The following RBM48 variants were observed in gnomAD, a reference collection of about 807,000 sequenced individuals.
RBM48 encodes the protein RNA binding motif protein 48, also known as RNA-binding protein 48.
In RBM48, 32 loss-of-function variants were observed where a neutral mutation model predicts 34.8. That is an observed-to-expected ratio of 0.92 (90% CI 0.69 to 1.23). RBM48 has a LOEUF of 1.23. RBM48 is among the 50% of genes most tolerant of loss of function. The probability of loss-of-function intolerance (pLI) is 0.00; values close to 1 mark genes in which losing one functional copy is unlikely to be tolerated. For synonymous variants in RBM48, 151 were observed against 156.2 expected (o/e 0.97, Z 0.25); for missense variants, 441 against 447.2 (o/e 0.99, Z 0.12).
intron 1 of RBM48, 197 bp from the exon 2 acceptor site, chr7:92,529,279 T>C (rs186227850): frequency 3.4e-6 from 2 of 584,940 alleles, no homozygotes; most frequent in African/African-American, 3.7e-5. Context: ...TAGTCTGTTA[T>C]ATGCCTTAGG....
At chr7:92,532,608 A>G in intron 3 of RBM48, 59 bp downstream of exon 3, 1 of 1,257,558 alleles carries the variant, frequency 8.0e-7, no homozygotes, top group South Asian at 1.3e-5. Context: ...CAGGTGTGTC[A>G]TCATGCAATT....
intron 4 of RBM48, chr7:92,536,273 G>A (rs1793709336): frequency 4.1e-6 from 4 of 981,550 alleles, no homozygotes; most frequent in Middle Eastern, 5.2e-4. Flanking sequence ...CCAAATTCTA[G>A]GTCCAGAAAT....
At chr7:92,529,403 TA>T (rs202181061) in intron 1 of RBM48, 72 bp from the exon 2 acceptor site, 1,029 of 834,202 alleles carry the variant, frequency 1.2e-3, no homozygotes, top group Non-Finnish European at 1.5e-3. Flanking sequence ...AAGTTCTCTT[TA>T]AAAAAAAATA....
In RBM48 at chr7:92,536,182, A is replaced by G. The variant is rs1394401117; in HGVS notation, c.1018-669A>G. 7.1e-6 allele frequency: 7 copies of G among 985,256 alleles called. No homozygotes were observed. In the East Asian group the frequency reaches 7.9e-4, roughly 112 times the overall value. 61.0% of individuals were successfully genotyped at this position (985,256 alleles called of 1,614,324 possible). ...CCACCCTTACTTCCTTCCTTCAGTT[A>G]CAGCTGAACTGAGGCATAGACATAG... On this transcript the variant is annotated intron_variant, in intron 4 of 4. Coordinates refer to ENST00000265732, the MANE Select transcript of RBM48 (RefSeq NM_032120.4).
At position 92,534,731 on chromosome 7, in the gene RBM48, G is replaced by A. The variant is rs1290181244; in HGVS notation, c.778G>A (p.Gly260Ser). The A allele has an allele frequency of 6.2e-7, 1 of 1,613,996 alleles. No individual in the cohort carries two copies. Among genetic ancestry groups the A allele is most frequent in the Non-Finnish European group, 8.5e-7 (1 of 1,180,022 alleles). Reference protein sequence around the residue: ...NSLKNSVACPGAQKAITSSEA... With the variant: ...NSLKNSVACPSAQKAITSSEA... ...TTTGAAAAACTCAGTGGCCTGCCCT[G>A]GTGCACAAAAGGCTATTACGTCTTC... The change falls in exon 4 of 5, where the codon GGT becomes AGT. Residue 260 changes from glycine to serine, a missense_variant. Physicochemically the swap from Gly to Ser is moderately conservative, Grantham distance 56. Coordinates refer to ENST00000265732, the MANE Select transcript of RBM48 (RefSeq NM_032120.4).
intron 4 of RBM48, chr7:92,535,630 CAT>C: frequency 1.0e-6 from 1 of 985,044 alleles, no homozygotes. Flanking sequence ...TGTTACAAAT[CAT>C]AAACTGAGGG....
intron 2 of RBM48, among the ~76,000 whole-genome samples, chr7:92,530,046 G>A (rs963533223): frequency 6.6e-6 from 1 of 151,654 alleles, no homozygotes; most frequent in South Asian, 2.1e-4. Context: ...GTCTAGTGGC[G>A]CAGGCCTGTA....
rs1020192867 is a variant in RBM48 at position 92,537,553 on chromosome 7, A to G, written c.*616A>G. ...AATACAAGTATTGAATGAACCATTG[A>G]AACACTAGAAGTCAGGATGTTTCCG... On this transcript the variant is annotated 3_prime_UTR_variant, in exon 5 of 5. Transcript: ENST00000265732. 11 of 152,250 alleles carry G rather than the reference A, an allele frequency of 7.2e-5. No homozygotes were observed. Among genetic ancestry groups the G allele is most frequent in the Non-Finnish European group, 5.9e-5 (4 of 68,042 alleles). 9.4% of individuals were successfully genotyped at this position (152,250 alleles called of 1,614,324 possible).
Position 92,528,928 on chromosome 7 carries a change from A to G in RBM48, c.111+4A>G. ...ACGACGGCCTCGTGCTGTGAAGGTA[A>G]AGTGATTTTGGTTTCATTCGCTCTC... On this transcript the variant is annotated splice_donor_region_variant and intron_variant, in intron 1 of 4. Coordinates refer to ENST00000265732, the MANE Select transcript of RBM48 (RefSeq NM_032120.4). The G allele has an allele frequency of 6.2e-7, 1 of 1,610,732 alleles. No homozygotes were observed. Among genetic ancestry groups the G allele is most frequent in the Non-Finnish European group, 8.5e-7 (1 of 1,177,466 alleles).
At chr7:92,535,778 T>C in intron 4 of RBM48, 1 of 972,600 alleles carries the variant, frequency 1.0e-6, no homozygotes, top group Non-Finnish European at 1.2e-6. Flanking sequence ...TAAAAATATC[T>C]GATTAAAGGT....
Position 92,534,929 on chromosome 7 carries a change from T to C in RBM48, c.976T>C (p.Leu326=). The part of the protein sequence containing the change: ...ISKVDMHDDS[L]NTTANLIRHK... ...TAAAGTGGATATGCACGATGACTCA[T>C]TGAATACAACGGCGAATTTAATTCG... The change falls in exon 4 of 5, where the codon TTG becomes CTG. Residue 326 remains leucine (L), a synonymous_variant. Transcript: ENST00000265732. 6.2e-7 allele frequency: 1 copy of C among 1,614,198 alleles called. No homozygotes were observed. The highest frequency in any genetic ancestry group is 8.5e-7 in the Non-Finnish European group (1 of 1,180,026).
In RBM48 at chr7:92,539,407, A is replaced by G. The variant is rs1359726513; in HGVS notation, c.*2470A>G. On this transcript the variant is annotated 3_prime_UTR_variant, in exon 5 of 5. Transcript: ENST00000265732. ...ATGCAAGCTAATTTACAAAATTTCC[A>G]TATAGGTTATTATTTTGGGCACAGT... is the stretch of plus-strand genomic sequence containing the variant. Among the ~76,000 whole-genome samples, 2 of 152,218 alleles carry G rather than the reference A, an allele frequency of 1.3e-5. No individual in the cohort carries two copies. Among genetic ancestry groups the G allele is most frequent in the Non-Finnish European group, 1.5e-5 (1 of 68,044 alleles).
chr7:92,534,730 T>C lies in RBM48; in HGVS notation c.777T>C (p.Pro259=). Reference sequence around the variant, plus strand: ...CTTTGAAAAACTCAGTGGCCTGCCCTGGTGCACAAAAGGCTATTACGTCTT... The same window carrying C: ...CTTTGAAAAACTCAGTGGCCTGCCCCGGTGCACAAAAGGCTATTACGTCTT... The part of the protein sequence containing the change: ...INSLKNSVAC[P]GAQKAITSSE... The change falls in exon 4 of 5, where the codon CCT becomes CCC. Residue 259 remains proline (P), a synonymous_variant. Transcript: ENST00000265732. The C allele has an allele frequency of 6.2e-7, 1 of 1,614,180 alleles. No homozygotes were observed. The highest frequency in any genetic ancestry group is 8.5e-7 in the Non-Finnish European group (1 of 1,180,028).
intron 3 of RBM48, among the ~76,000 whole-genome samples, chr7:92,533,080 C>G (rs1303500073): frequency 1.3e-5 from 2 of 152,188 alleles, no homozygotes; most frequent in Non-Finnish European, 2.9e-5. Context: ...TGGAGAAGTT[C>G]TACTTTTGAC....
chr7:92,530,273 C>G (rs981662201), intron 2 of RBM48, among the ~76,000 whole-genome samples: 6 of 151,000 alleles, frequency 4.0e-5, no homozygotes, highest in African/African-American at 1.5e-4. Context: ...GCAGGCAGAT[C>G]ACTTGAGGTC....
At chr7:92,532,968 G>C (rs1403650665) in intron 3 of RBM48, among the ~76,000 whole-genome samples, 1 of 152,194 alleles carries the variant, frequency 6.6e-6, no homozygotes, top group African/African-American at 2.4e-5. Flanking sequence ...AATCATGGAG[G>C]GCCTTGTGTC....
rs916161033 is a variant in RBM48 at position 92,538,370 on chromosome 7, C to G, written c.*1433C>G. On this transcript the variant is annotated 3_prime_UTR_variant, in exon 5 of 5. Transcript: ENST00000265732. ...CTTTAACCTCAGGCCTGGTCAGTGG[C>G]GTCGGTTGGTTTTGCCACTGGCTCC... Among the ~76,000 whole-genome samples the G allele has an allele frequency of 6.6e-6, 1 of 152,092 alleles. No individual in the cohort carries two copies.
In RBM48 at chr7:92,534,515, G is replaced by T; in HGVS notation, c.562G>T (p.Ala188Ser). 1.3e-5 allele frequency: 21 copies of T among 1,614,112 alleles called. No homozygotes were observed. Among genetic ancestry groups the T allele is most frequent in the Non-Finnish European group, 1.7e-5 (20 of 1,180,018 alleles). Reference sequence around the variant, plus strand: ...TTGTAAAGCTGCTTTGAACACTTCTGCAGGGAACTCAAATCCTTATCTTCC... The same window carrying T: ...TTGTAAAGCTGCTTTGAACACTTCTTCAGGGAACTCAAATCCTTATCTTCC... The part of the protein sequence containing the change: ...GFCKAALNTS[A>S]GNSNPYLPYS... Residue 188 changes from alanine (A) to serine (S), a missense_variant, in exon 4 of 5, where the codon GCA becomes TCA. By Grantham distance (99) the Ala-to-Ser change is moderately conservative (BLOSUM62 1). Transcript: ENST00000265732.
intron 4 of RBM48, 123 bp downstream of exon 4, chr7:92,535,093 T>C: frequency 6.7e-7 from 1 of 1,483,000 alleles, no homozygotes; most frequent in African/African-American, 1.4e-5. Context: ...GATGTGTTTT[T>C]CTACAGTTCT....
Sources: gnomAD v4.1 joint callset for allele counts (sites outside exome capture counted in the v4.1 genomes callset) on GRCh38, gnomAD v4.1.1 for gene constraint, MANE v1.5 for transcripts, NCBI Gene and HGNC (gene_info 2026-07-23, HGNC 2026-07-21) for gene names.